RASSF3: variants seen among roughly 807,000 people sequenced by gnomAD.
RASSF3 encodes the protein Ras association domain family member 3.
A neutral mutation model predicts 19.9 loss-of-function variants in RASSF3; 19 were observed. The ratio of observed to expected loss-of-function variants is 0.96; its 90% CI spans 0.67 to 1.40. The LOEUF is 1.40. Ranked by LOEUF, RASSF3 falls within the 40% of genes most tolerant of loss-of-function variation. The pLI, the probability that RASSF3 is intolerant of heterozygous loss-of-function variation, is 0.00. For synonymous variants in RASSF3, 110 were observed against 104.2 expected (o/e 1.06, Z -0.34); for missense variants, 306 against 289.8 (o/e 1.06, Z -0.41).
At chr12:64,559,881 T>C (rs1229946938) in intron 2 of RASSF3, among the ~76,000 whole-genome samples, 2 of 152,242 alleles carry the variant, frequency 1.3e-5, no homozygotes, top group Non-Finnish European at 2.9e-5. Context: ...CTTTGATATA[T>C]AATCTCTTTT....
In RASSF3 at chr12:64,626,588, C is replaced by T. The variant is rs139398933; in HGVS notation, c.111+15845C>T. On this transcript the variant is annotated intron_variant, in intron 1 of 4. Coordinates refer to ENST00000542104, the MANE Select transcript of RASSF3 (RefSeq NM_178169.4). ...ATTTTTTGTTTTTGAGACAGGGTCT[C>T]GCTGTGTCACCCAGGCTGGAGTGCA... Among the ~76,000 whole-genome samples, 26 of 151,672 alleles carry T rather than the reference C, an allele frequency of 1.7e-4. No homozygotes were observed. In the East Asian group the frequency reaches 1.7e-3, roughly 10 times the overall value.
At chr12:64,522,684 G>T (rs879406039) in intron 1 of RASSF3, among the ~76,000 whole-genome samples, 1 of 151,658 alleles carries the variant, frequency 6.6e-6, no homozygotes, top group African/African-American at 2.4e-5. Flanking sequence ...GAGTCTCAAC[G>T]CAAGAAATAA....
chr12:64,528,771 C>A (rs934918746), upstream of RASSF3, among the ~76,000 whole-genome samples: 1 of 152,188 alleles, frequency 6.6e-6, no homozygotes, highest in Non-Finnish European at 1.5e-5. Flanking sequence ...AGAGGCCCAG[C>A]CCTAGCACTG....
rs1491224698 is a variant in RASSF3, at chr12:64,581,788, CCT to C, written c.294+40084_294+40085del. 1.8e-5 allele frequency among the ~76,000 whole-genome samples: 2 copies of C among 109,050 alleles called. 1 individual carries two copies. The highest frequency in any genetic ancestry group is 6.4e-5 in the African/African-American group (2 of 31,286). The allele number at this position is 109,050 out of a possible 152,430, so 71.5% of individuals were successfully genotyped here. Reference sequence around the variant, plus strand: ...CTGAAAACCTTTCAAAAGAGATTGACCTTTTTTTTTTGTTTTTCTTTTTTGTT... The same window carrying C: ...CTGAAAACCTTTCAAAAGAGATTGACTTTTTTTTTGTTTTTCTTTTTTGTT... On this transcript the variant is annotated intron_variant, in intron 2 of 5. Coordinates refer to the RASSF3 transcript ENST00000637125.
At chr12:64,639,355 A>G (rs11175488) in intron 1 of RASSF3, among the ~76,000 whole-genome samples, 9,775 of 148,720 alleles carry the variant, frequency 0.066, 378 homozygotes, top group Non-Finnish European at 0.09. Flanking sequence ...AGAAATTCCT[A>G]AACTGTATTT....
upstream of RASSF3, among the ~76,000 whole-genome samples, chr12:64,607,192 G>C (rs1241973004): frequency 6.6e-5 from 10 of 151,560 alleles, no homozygotes; most frequent in Admixed American, 3.3e-4. Context: ...GCTGAGGTGG[G>C]AGGATTGCTT....
upstream of RASSF3, among the ~76,000 whole-genome samples, chr12:64,529,002 AT>A (rs771111986): frequency 1.3e-5 from 2 of 152,226 alleles, no homozygotes; most frequent in Non-Finnish European, 2.9e-5. Context: ...TGCTGAAAAA[AT>A]TAAGTACTAA....
intron 1 of RASSF3, among the ~76,000 whole-genome samples, chr12:64,616,088 T>C (rs1365069129): frequency 1.3e-5 from 2 of 152,246 alleles, no homozygotes; most frequent in Non-Finnish European, 2.9e-5. Flanking sequence ...GCATGTCTGA[T>C]ATGTTCTGTT....
At chr12:64,564,911 G>T (rs1223847790) in intron 2 of RASSF3, among the ~76,000 whole-genome samples, 1 of 151,812 alleles carries the variant, frequency 6.6e-6, no homozygotes, top group East Asian at 1.9e-4. Context: ...CTCCCAAGTA[G>T]CTGGGACAAC....
chr12:64,672,259 T>C (rs930734277), intron 1 of RASSF3, among the ~76,000 whole-genome samples: 2 of 152,184 alleles, frequency 1.3e-5, no homozygotes, highest in African/African-American at 4.8e-5. Context: ...GGAGTCTTGC[T>C]CTGTCACCCG....
At chr12:64,538,838 G>A (rs187237317) in intron 1 of RASSF3, among the ~76,000 whole-genome samples, 1 of 152,192 alleles carries the variant, frequency 6.6e-6, no homozygotes, top group East Asian at 1.9e-4. Flanking sequence ...GAAGTCAGGA[G>A]TTTGAGACCA....
rs559439636 is a variant in RASSF3 at position 64,686,362 on chromosome 12, C to T, written c.219+1468C>T. On this transcript the variant is annotated intron_variant, in intron 2 of 4. Transcript: ENST00000542104. ...TCGACGGTGGCTCACGCCTGTAATC[C>T]AGCACTTTGGGAGGCCGAGGTGGGC... 2.6e-5 allele frequency among the ~76,000 whole-genome samples: 4 copies of T among 152,112 alleles called. No individual in the cohort carries two copies. The East Asian group carries it at 7.7e-4, about 29-fold the overall frequency.
upstream of RASSF3, among the ~76,000 whole-genome samples, chr12:64,529,949 TCTG>T (rs1233800785): frequency 1.8e-4 from 28 of 152,150 alleles, no homozygotes; most frequent in African/African-American, 5.6e-4. Flanking sequence ...ATGCTTTTAT[TCTG>T]CTAACTGAGA....
chr12:64,647,894 A>G (rs1182020086), intron 1 of RASSF3, among the ~76,000 whole-genome samples: 3 of 152,192 alleles, frequency 2.0e-5, no homozygotes, highest in Admixed American at 2.0e-4. Context: ...AAAATAGAAT[A>G]AATGAGAAAT....
At chr12:64,551,210 C>T (rs902518975) in intron 2 of RASSF3, among the ~76,000 whole-genome samples, 16 of 152,290 alleles carry the variant, frequency 1.1e-4, no homozygotes, top group African/African-American at 2.9e-4. Flanking sequence ...GGTATACAGC[C>T]GCATATTTGC....
chr12:64,661,156 C>T (rs925794225), intron 1 of RASSF3, among the ~76,000 whole-genome samples: 25 of 152,224 alleles, frequency 1.6e-4, no homozygotes, highest in African/African-American at 4.6e-4. Context: ...TCGGCTTGCT[C>T]GTATGTAAGT....
chr12:64,565,000 C>T (rs546562127), intron 2 of RASSF3, among the ~76,000 whole-genome samples: 39 of 151,522 alleles, frequency 2.6e-4, no homozygotes, highest in African/African-American at 8.0e-4. Flanking sequence ...AGGATGGTCT[C>T]GAACTCCTGA....
At chr12:64,685,124 A>G (rs1257888155) in intron 2 of RASSF3, among the ~76,000 whole-genome samples, 1 of 152,204 alleles carries the variant, frequency 6.6e-6, no homozygotes, top group Non-Finnish European at 1.5e-5. Flanking sequence ...AAAGTGAAAC[A>G]CTTATAATTT....
chr12:64,509,034 C>T (rs1868310996), intron 1 of RASSF3, among the ~76,000 whole-genome samples: 1 of 151,748 alleles, frequency 6.6e-6, no homozygotes, highest in Admixed American at 6.6e-5. Context: ...GAGAATTTAA[C>T]TTAATCGTTT....
Sources: allele counts gnomAD v4.1 joint callset (sites outside exome capture counted in the v4.1 genomes callset), GRCh38; gene constraint gnomAD v4.1.1; transcripts MANE v1.5; gene names NCBI Gene and HGNC (gene_info 2026-07-23, HGNC 2026-07-21).